The following TBX4 variants were observed in gnomAD, a reference collection of about 807,000 sequenced individuals.
The protein encoded by TBX4 is T-box transcription factor TBX4.
Under a neutral mutation model 54.6 loss-of-function variants are expected in TBX4, and 13 were observed. The ratio of observed to expected loss-of-function variants is 0.24; its 90% CI spans 0.15 to 0.38. The LOEUF (loss-of-function observed/expected upper bound fraction) is 0.38, where lower values mean the gene tolerates loss of function less well. Among genes scored for constraint, TBX4 ranks in the 10% least tolerant of loss-of-function variants. The pLI, the probability that TBX4 is intolerant of heterozygous loss-of-function variation, is 1.00. For synonymous variants in TBX4, 314 were observed against 306.7 expected, an observed-to-expected ratio of 1.02 and a Z score of -0.25; for missense variants, 631 against 728.5, an observed-to-expected ratio of 0.87 and a Z score of 1.54.
intron 5 of TBX4, among the ~76,000 whole-genome samples, chr17:61,468,474 G>A (rs964169513): frequency 1.3e-5 from 2 of 152,220 alleles, no homozygotes; most frequent in Admixed American, 1.3e-4. Context: ...AGGGGCAGTG[G>A]AGGCTTTGAG....
chr17:61,478,728 C>T lies in TBX4; in HGVS notation c.651C>T (p.His217=), dbSNP rs1369518331. The T allele has an allele frequency of 4.3e-6, 7 of 1,614,090 alleles. No homozygotes were observed. Among genetic ancestry groups the T allele is most frequent in the Admixed American group, 1.7e-5 (1 of 60,006 alleles). Residue 217 remains histidine, a synonymous_variant, in exon 6 of 9, where the codon CAC becomes CAT. Coordinates refer to ENST00000644296, the MANE Select transcript of TBX4 (RefSeq NM_001321120.2). This position sits in a 1 kb window ranked among gnomAD's most constrained non-coding sequence, Gnocchi z 7.4. ...FGSKNTAFCT[H]VFPETSFISV... ...CCAAAAACACTGCTTTCTGCACCCACGTGTTCCCAGAGACCTCCTTCATCT... is the reference window on the plus strand; with the variant it reads ...CCAAAAACACTGCTTTCTGCACCCATGTGTTCCCAGAGACCTCCTTCATCT...
At position 61,472,488 on chromosome 17, in the gene TBX4, T is replaced by C. The variant is rs1351294649; in HGVS notation, c.549+4831T>C. On this transcript the variant is annotated intron_variant, in intron 5 of 8. Coordinates refer to ENST00000644296, the MANE Select transcript of TBX4 (RefSeq NM_001321120.2). This position sits in a 1 kb window ranked among gnomAD's most constrained non-coding sequence, Gnocchi z 4.5. ...GCTCATTTTTCTTGTAGGTTTTTGA[T>C]ATCAATTTCTAGGAACTCTTATAAA... 2.6e-5 allele frequency among the ~76,000 whole-genome samples: 4 copies of C among 152,242 alleles called. No homozygotes were observed. The highest frequency in any genetic ancestry group is 9.6e-5 in the African/African-American group (4 of 41,472).
chr17:61,471,543 ATT>A (rs59212228), intron 5 of TBX4, among the ~76,000 whole-genome samples: 45 of 136,162 alleles, frequency 3.3e-4, no homozygotes, highest in African/African-American at 4.3e-4. Flanking sequence ...TCTTTTCAGC[ATT>A]TTTTTTTTTT....
chr17:61,456,314 A>T, intron 1 of TBX4, 174 bp from the exon 2 acceptor site: 6 of 777,432 alleles, frequency 7.7e-6, no homozygotes, highest in Non-Finnish European at 1.3e-5. Flanking sequence ...GGAGGAGGCG[A>T]GGGACCTGCC....
At position 61,464,515 on chromosome 17, in the gene TBX4, G is replaced by A. The variant is rs1441549039; in HGVS notation, c.282-1304G>A. On this transcript the variant is annotated intron_variant, in intron 3 of 8. Transcript: ENST00000644296. The surrounding 1 kb of genome is among the most constrained non-coding windows in gnomAD (Gnocchi z 5.8). ...CCGTACTGTCTTGGGTTAGTGAGAGGCAGAGAACCACCTGATGGTTGTCCC... is the reference window on the plus strand; with the variant it reads ...CCGTACTGTCTTGGGTTAGTGAGAGACAGAGAACCACCTGATGGTTGTCCC... 6.6e-6 allele frequency: 1 copy of A among 152,406 alleles called. No homozygotes were observed. Among genetic ancestry groups the A allele is most frequent in the Non-Finnish European group, 1.5e-5 (1 of 68,188 alleles). The allele number at this position is 152,406 out of a possible 1,614,324, so 9.4% of individuals were successfully genotyped here.
chr17:61,453,170 T>C (rs1475494053), intron 1 of TBX4, among the ~76,000 whole-genome samples: 2 of 152,260 alleles, frequency 1.3e-5, no homozygotes, highest in Non-Finnish European at 2.9e-5. Context: ...AATACAATCA[T>C]AGTCACTTTC....
rs1276860689 is a variant in TBX4, at chr17:61,484,808, T to C, written c.*1292T>C. On this transcript the variant is annotated 3_prime_UTR_variant, in exon 9 of 9. Transcript: ENST00000644296. The surrounding 1 kb of genome is among the most constrained non-coding windows in gnomAD (Gnocchi z 4.1). ...CACAAATGCAGGCCACATGTCAAAT[T>C]CAGCTTTGCTTTCTACAAATGAATG... The C allele has an allele frequency of 6.7e-6, 1 of 148,518 alleles. No homozygotes were observed. The highest frequency in any genetic ancestry group is 6.7e-5 in the Admixed American group (1 of 14,870). The allele number at this position is 148,518 out of a possible 1,614,324, so 9.2% of individuals were successfully genotyped here. A position where few individuals can be genotyped will look rare whatever the true frequency, so the allele number is the denominator to read the frequency against.
Position 61,483,803 on chromosome 17 carries a change from G to A in TBX4, c.*287G>A, listed in dbSNP as rs548690089. The A allele has an allele frequency of 1.4e-5, 6 of 441,342 alleles. No homozygotes were observed. Among genetic ancestry groups the A allele is most frequent in the South Asian group, 8.6e-5 (4 of 46,728 alleles). The allele number at this position is 441,342 out of a possible 1,614,324, so 27.3% of individuals were successfully genotyped here. On this transcript the variant is annotated 3_prime_UTR_variant, in exon 9 of 9. Coordinates refer to ENST00000644296, the MANE Select transcript of TBX4 (RefSeq NM_001321120.2). The surrounding 1 kb of genome is among the most constrained non-coding windows in gnomAD (Gnocchi z 6.6). ...TTATCTGACATCTCTTGACATGCCC[G>A]TGGGTGGGATGGGAGTGGAGGGTTC...
intron 5 of TBX4, among the ~76,000 whole-genome samples, chr17:61,469,739 G>T (rs988651558): frequency 6.6e-6 from 1 of 152,226 alleles, no homozygotes; most frequent in Non-Finnish European, 1.5e-5. Flanking sequence ...GACAAGGGCT[G>T]TGGAGAGACA....
intron 4 of TBX4, among the ~76,000 whole-genome samples, chr17:61,467,181 AGT>A (rs777323437): frequency 6.6e-6 from 1 of 152,164 alleles, no homozygotes; most frequent in Non-Finnish European, 1.5e-5. Flanking sequence ...TTAAATCATA[AGT>A]GTAAATATAC....
chr17:61,469,952 A>G (rs1381408924), intron 5 of TBX4, among the ~76,000 whole-genome samples: 1 of 152,154 alleles, frequency 6.6e-6, no homozygotes, highest in Non-Finnish European at 1.5e-5. Context: ...TTGCCCTGAA[A>G]GCTTCCAGGC....
In TBX4 at chr17:61,479,964, G is replaced by A. The variant is rs2060651472; in HGVS notation, c.786G>A (p.Leu262=). ...SDDSDLRVAR[L]QSKEYPVISK... is the part of the protein sequence containing the mutation. ...ACAGTGACCTGCGTGTGGCCCGACT[G>A]CAGAGGTGGGGCTGCGTAGCCTGGG... Residue 262 remains leucine, a synonymous_variant, in exon 7 of 9, where the codon CTG becomes CTA. Coordinates refer to ENST00000644296, the MANE Select transcript of TBX4 (RefSeq NM_001321120.2). This position sits in a 1 kb window ranked among gnomAD's most constrained non-coding sequence, Gnocchi z 6.1. The A allele has an allele frequency of 6.2e-7, 1 of 1,613,946 alleles. No individual in the cohort carries two copies. The highest frequency in any genetic ancestry group is 8.5e-7 in the Non-Finnish European group (1 of 1,179,976).
Position 61,459,860 on chromosome 17 carries a change from C to T in TBX4, c.281+2229C>T, listed in dbSNP as rs2060482620. ...CTCATGCCCCCAACCCCTCACCCCT[C>T]ACAGACCCCATTTCCTCCTTCATAG... On this transcript the variant is annotated intron_variant, in intron 3 of 8. Transcript: ENST00000644296. This position sits in a 1 kb window ranked among gnomAD's most constrained non-coding sequence, Gnocchi z 4.8. Among the ~76,000 whole-genome samples, 6 of 151,744 alleles carry T rather than the reference C, an allele frequency of 4.0e-5. No individual in the cohort carries two copies. The South Asian group carries it at 1.0e-3, about 26-fold the overall frequency.
At position 61,460,272 on chromosome 17, in the gene TBX4, G is replaced by C. The variant is rs997005760; in HGVS notation, c.281+2641G>C. ...ATTGTGGCTCTGCCCTAGAGACCCTGGCTGATTAGGGACACGATAACTGCC... is the reference window on the plus strand; with the variant it reads ...ATTGTGGCTCTGCCCTAGAGACCCTCGCTGATTAGGGACACGATAACTGCC... On this transcript the variant is annotated intron_variant, in intron 3 of 8. Coordinates refer to ENST00000644296, the MANE Select transcript of TBX4 (RefSeq NM_001321120.2). This position sits in a 1 kb window ranked among gnomAD's most constrained non-coding sequence, Gnocchi z 4.4. The C allele has an allele frequency of 6.6e-6, 1 of 152,220 alleles. No individual in the cohort carries two copies. The highest frequency in any genetic ancestry group is 1.5e-5 in the Non-Finnish European group (1 of 68,084). The allele number at this position is 152,220 out of a possible 1,614,324, so 9.4% of individuals were successfully genotyped here. A position where few individuals can be genotyped will look rare whatever the true frequency, so the allele number is the denominator to read the frequency against.
chr17:61,454,518 G>A (rs981900757), intron 1 of TBX4, among the ~76,000 whole-genome samples: 2 of 152,232 alleles, frequency 1.3e-5, no homozygotes, highest in Non-Finnish European at 2.9e-5. Flanking sequence ...GAGGACGGCC[G>A]CCCCGGGCCA....
chr17:61,456,688 C>A lies in TBX4; in HGVS notation c.186+12C>A. 7.3e-7 allele frequency: 1 copy of A among 1,378,236 alleles called. No individual in the cohort carries two copies. Among genetic ancestry groups the A allele is most frequent in the Non-Finnish European group, 9.4e-7 (1 of 1,063,530 alleles). 85.4% of individuals were successfully genotyped at this position (1,378,236 alleles called of 1,614,324 possible). ...CCGCCGCGGAGCAGGTAGGGCTGCGCCAGCCGTCGGGTAGAAGTCGGGCGT... is the reference window on the plus strand; with the variant it reads ...CCGCCGCGGAGCAGGTAGGGCTGCGACAGCCGTCGGGTAGAAGTCGGGCGT... On this transcript the variant is annotated intron_variant, in intron 2 of 8. Transcript: ENST00000644296.
intron 5 of TBX4, among the ~76,000 whole-genome samples, chr17:61,468,663 G>A (rs926361298): frequency 6.6e-6 from 1 of 152,220 alleles, no homozygotes. Flanking sequence ...TCGCTTCTGA[G>A]TCATTGGTGA....
rs1190455094 is a variant in TBX4, at chr17:61,483,017, C to A, written c.1142C>A (p.Pro381His). 5.6e-6 allele frequency: 9 copies of A among 1,614,108 alleles called. No homozygotes were observed. Among genetic ancestry groups the A allele is most frequent in the Non-Finnish European group, 6.8e-6 (8 of 1,180,004 alleles). ...PPPYDQQMLSPSYCSEVTPRE... is the reference protein window; with the variant it reads ...PPPYDQQMLSHSYCSEVTPRE... The stretch of plus-strand genomic sequence containing the variant: ...CCCTACGACCAGCAAATGCTGAGCC[C>A]CTCCTACTGCAGTGAGGTGACCCCC... The change falls in exon 9 of 9, where the codon CCC (proline) becomes CAC (histidine). Residue 381 changes from proline to histidine, a missense_variant. By Grantham distance (77) the Pro-to-His change is moderately conservative. Coordinates refer to ENST00000644296, the MANE Select transcript of TBX4 (RefSeq NM_001321120.2). This position sits in a 1 kb window ranked among gnomAD's most constrained non-coding sequence, Gnocchi z 6.6.
Position 61,481,456 on chromosome 17 carries a change from G to A in TBX4, c.1021+1137G>A, listed in dbSNP as rs979613587. 6.6e-6 allele frequency: 1 copy of A among 152,284 alleles called. No individual in the cohort carries two copies. Among genetic ancestry groups the A allele is most frequent in the Non-Finnish European group, 1.5e-5 (1 of 68,070 alleles). 9.4% of individuals were successfully genotyped at this position (152,284 alleles called of 1,614,324 possible). On this transcript the variant is annotated intron_variant, in intron 8 of 8. Coordinates refer to ENST00000644296, the MANE Select transcript of TBX4 (RefSeq NM_001321120.2). This position sits in a 1 kb window ranked among gnomAD's most constrained non-coding sequence, Gnocchi z 4.8. Reference sequence around the variant, plus strand: ...AAAGTTTGCCCAGTCTTGACCTAGAGTGAGTAGGCCACCTGCCAGGATCAA... The same window carrying A: ...AAAGTTTGCCCAGTCTTGACCTAGAATGAGTAGGCCACCTGCCAGGATCAA...
Sources: allele counts gnomAD v4.1 joint callset (sites outside exome capture counted in the v4.1 genomes callset), GRCh38; gene constraint gnomAD v4.1.1; non-coding constraint Gnocchi (gnomAD v3.1); transcripts MANE v1.5; gene names NCBI Gene and HGNC (gene_info 2026-07-23, HGNC 2026-07-21).